The following ELOVL7 variants were observed in gnomAD, a reference collection of about 807,000 sequenced individuals.
ELOVL7 encodes ELOVL fatty acid elongase 7, also known as very long chain fatty acid elongase 7.
ELOVL7 carries 27 observed loss-of-function variants against 35.7 expected under a neutral mutation model. That is an observed-to-expected ratio of 0.76 (90% CI 0.56 to 1.04). ELOVL7 has a LOEUF of 1.04. ELOVL7 is among the 50% of genes least tolerant of loss of function. The pLI is 0.00. For missense variants in ELOVL7, 327 were observed against 340.8 expected (o/e 0.96, Z 0.32); for synonymous variants, 113 against 114.6 (o/e 0.99, Z 0.09).
At chr5:60,843,211 G>C (rs146056342) in intron 1 of ELOVL7, among the ~76,000 whole-genome samples, 1,830 of 152,200 alleles carry the variant, frequency 0.012, 14 homozygotes, top group South Asian at 0.026. Flanking sequence ...AGTCGACGCG[G>C]GACTAACTAC....
intron 1 of ELOVL7, among the ~76,000 whole-genome samples, chr5:60,833,069 A>C (rs35233145): frequency 1.4e-3 from 212 of 152,292 alleles, no homozygotes; most frequent in Non-Finnish European, 2.5e-3. Context: ...GGAGTAATTA[A>C]TGTTACTTGT....
At chr5:60,764,071 GT>G (rs1287766157) in intron 7 of ELOVL7, among the ~76,000 whole-genome samples, 155 bp downstream of exon 7, 5 of 152,062 alleles carry the variant, frequency 3.3e-5, no homozygotes, top group African/African-American at 1.2e-4. Context: ...TGAGTCTTAT[GT>G]TTATTTTTCA....
At chr5:60,758,016 TCTTAA>T (rs1741650582) in intron 7 of ELOVL7, among the ~76,000 whole-genome samples, 2 of 152,278 alleles carry the variant, frequency 1.3e-5, no homozygotes, top group East Asian at 1.9e-4. Context: ...AGTACATTAA[TCTTAA>T]CTTGATGATT....
At chr5:60,802,402 C>A (rs556167017) in intron 1 of ELOVL7, among the ~76,000 whole-genome samples, 12 of 152,130 alleles carry the variant, frequency 7.9e-5, no homozygotes, top group Admixed American at 7.2e-4. Flanking sequence ...TCAGACATGA[C>A]GACACCCATG....
intron 3 of ELOVL7, among the ~76,000 whole-genome samples, chr5:60,782,439 A>T (rs1370912695): frequency 1.3e-5 from 2 of 152,226 alleles, no homozygotes; most frequent in African/African-American, 4.8e-5. Context: ...TTGAAGGGAT[A>T]TCTGCACTCT....
At chr5:60,828,971 TAA>T (rs755335871) in intron 1 of ELOVL7, among the ~76,000 whole-genome samples, 5 of 152,182 alleles carry the variant, frequency 3.3e-5, no homozygotes, top group Non-Finnish European at 5.9e-5. Flanking sequence ...TGTAATTTTT[TAA>T]AGTCCTTATT....
At chr5:60,840,400 G>A (rs765015972) in intron 1 of ELOVL7, among the ~76,000 whole-genome samples, 1 of 152,170 alleles carries the variant, frequency 6.6e-6, no homozygotes, top group African/African-American at 2.4e-5. Context: ...AGTGATGCCA[G>A]CACAAGGAAT....
At chr5:60,842,719 TCTC>T (rs1747250191) in intron 1 of ELOVL7, among the ~76,000 whole-genome samples, 1 of 152,118 alleles carries the variant, frequency 6.6e-6, no homozygotes, top group South Asian at 2.1e-4. Context: ...AGAGCTGGAA[TCTC>T]CTACCGCTGA....
intron 5 of ELOVL7, 23 bp downstream of exon 5, chr5:60,767,800 A>G (rs772782089): frequency 6.9e-6 from 11 of 1,590,660 alleles, no homozygotes; most frequent in Non-Finnish European, 9.5e-6. Flanking sequence ...TTGAATTTCA[A>G]GTTTTTCCAA....
chr5:60,772,978 G>A (rs1000479559), intron 3 of ELOVL7, among the ~76,000 whole-genome samples: 1 of 152,172 alleles, frequency 6.6e-6, no homozygotes, highest in Non-Finnish European at 1.5e-5. Flanking sequence ...AGTAGCTAAA[G>A]TATGGGATTT....
chr5:60,773,819 T>C (rs1742744469), intron 3 of ELOVL7, among the ~76,000 whole-genome samples: 1 of 152,248 alleles, frequency 6.6e-6, no homozygotes. Flanking sequence ...AATTGGGGAA[T>C]ACTGGAATGC....
At chr5:60,809,172 A>C (rs1369612707) in intron 1 of ELOVL7, among the ~76,000 whole-genome samples, 1 of 152,218 alleles carries the variant, frequency 6.6e-6, no homozygotes, top group African/African-American at 2.4e-5. Flanking sequence ...TTAAAAATGA[A>C]AGAAAGAAAA....
intron 5 of ELOVL7, among the ~76,000 whole-genome samples, chr5:60,767,604 A>G (rs1171853771): frequency 6.6e-6 from 1 of 152,204 alleles, no homozygotes; most frequent in East Asian, 1.9e-4. Context: ...TTATTTTTAA[A>G]TCCAAGAAAT....
chr5:60,803,044 T>A (rs558083124), intron 1 of ELOVL7, among the ~76,000 whole-genome samples: 1 of 152,330 alleles, frequency 6.6e-6, no homozygotes, highest in South Asian at 2.1e-4. Context: ...CTTCTTTGTG[T>A]CTCTTTTTGG....
intron 4 of ELOVL7, chr5:60,768,782 T>C: frequency 2.3e-6 from 1 of 426,160 alleles, no homozygotes; most frequent in Non-Finnish European, 4.6e-6. Context: ...TGATCAGTTC[T>C]TCTCATACAT....
chr5:60,838,377 C>T (rs893310689), intron 1 of ELOVL7, among the ~76,000 whole-genome samples: 1 of 152,224 alleles, frequency 6.6e-6, no homozygotes, highest in Non-Finnish European at 1.5e-5. Flanking sequence ...CTTGCCTCCC[C>T]AGGACCTGGT....
At position 60,803,481 on chromosome 5, in the gene ELOVL7, A is replaced by G. The variant is rs577380569; in HGVS notation, c.-85-4251T>C. Among the ~76,000 whole-genome samples the G allele has an allele frequency of 1.3e-4, 20 of 152,350 alleles. No homozygotes were observed. The South Asian group carries it at 3.7e-3, about 28-fold the overall frequency. On this transcript the variant is annotated intron_variant, in intron 1 of 8. Transcript: ENST00000508821. ...ATCTTGATTTTCGTTTAAACAAAGC[A>G]TGATTAATAAGTGAATATGTTAAGT... is the stretch of plus-strand genomic sequence containing the variant.
At chr5:60,843,097 T>C (rs1207489333) in intron 1 of ELOVL7, among the ~76,000 whole-genome samples, 2 of 151,834 alleles carry the variant, frequency 1.3e-5, no homozygotes, top group Non-Finnish European at 2.9e-5. Flanking sequence ...AAATAAAGGG[T>C]AATCCGAGAG....
chr5:60,758,153 ACTT>A (rs541605339), intron 7 of ELOVL7, among the ~76,000 whole-genome samples: 281 of 152,270 alleles, frequency 1.8e-3, no homozygotes, highest in African/African-American at 6.3e-3. Context: ...CTTTACTCTA[ACTT>A]CTTATTACCA....
Sources: gnomAD v4.1 joint callset for allele counts (sites outside exome capture counted in the v4.1 genomes callset) on GRCh38, gnomAD v4.1.1 for gene constraint, MANE v1.5 for transcripts, NCBI Gene and HGNC (gene_info 2026-07-23, HGNC 2026-07-21) for gene names.